MYO5B: variants seen among roughly 807,000 people sequenced by gnomAD.
The protein encoded by MYO5B is unconventional myosin-Vb.
In MYO5B, 143 loss-of-function variants were observed where a neutral mutation model predicts 229.3. The observed-to-expected ratio is 0.62, with a 90% CI of 0.54 to 0.72. The LOEUF is 0.72. MYO5B is among the 30% of genes least tolerant of loss of function. MYO5B has a pLI of 0.00. For synonymous variants in MYO5B, 918 were observed against 885.2 expected, an observed-to-expected ratio of 1.04 and a Z score of -0.66; for missense variants, 2,321 against 2,331.0, an observed-to-expected ratio of 1.00 and a Z score of 0.09.
intron 28 of MYO5B, 59 bp downstream of exon 28, chr18:49,864,082 C>T: frequency 6.3e-7 from 1 of 1,591,868 alleles, no homozygotes; most frequent in South Asian, 1.1e-5. Flanking sequence ...TAAAAAAACA[C>T]TAATCTACCA....
At chr18:49,863,636 C>T (rs1401225860) in intron 28 of MYO5B, among the ~76,000 whole-genome samples, 1 of 152,174 alleles carries the variant, frequency 6.6e-6, no homozygotes, top group Non-Finnish European at 1.5e-5. Flanking sequence ...CAGCTGGAAT[C>T]CTCCACACTC....
At chr18:49,936,201 C>T (rs1250190305) in intron 16 of MYO5B, 51 bp downstream of exon 16, 4 of 1,492,056 alleles carry the variant, frequency 2.7e-6, no homozygotes, top group Non-Finnish European at 3.7e-6. Flanking sequence ...CCCTGTTCCA[C>T]CTGAACCTCT....
At chr18:50,142,571 G>A (rs985390904) in intron 1 of MYO5B, among the ~76,000 whole-genome samples, 5 of 152,166 alleles carry the variant, frequency 3.3e-5, no homozygotes, top group African/African-American at 2.4e-5. Flanking sequence ...AGGTATATAG[G>A]GGATGTCTTC....
rs58927375 is a variant in MYO5B at position 49,997,267 on chromosome 18, T to TAA, written c.612+3986_612+3987dup. 3.9e-3 allele frequency among the ~76,000 whole-genome samples: 394 copies of TAA among 101,150 alleles called. 1 individual carries two copies. The highest frequency in any genetic ancestry group is 5.5e-3 in the Non-Finnish European group (301 of 54,574). 66.4% of individuals were successfully genotyped at this position (101,150 alleles called of 152,430 possible). The stretch of plus-strand genomic sequence containing the variant: ...GGGTGACAAAGCAAGGTCCTGTCTT[T>TAA]AAAAAAAAAAAAAAAAAAAAAAAAA... On this transcript the variant is annotated intron_variant, in intron 5 of 39. Coordinates refer to ENST00000285039, the MANE Select transcript of MYO5B (RefSeq NM_001080467.3).
rs2024723789 is a variant in MYO5B at position 49,892,235 on chromosome 18, GT to G, written c.3045+2705del. 2.0e-5 allele frequency among the ~76,000 whole-genome samples: 3 copies of G among 152,238 alleles called. 1 individual carries two copies. The South Asian group carries it at 6.2e-4, about 32-fold the overall frequency. ...AGGGAAGGAGGCTAAGGGCCTGGGTGTGGACTACCCCGTGGAAGCGCCAAAA... is the reference window on the plus strand; with the variant it reads ...AGGGAAGGAGGCTAAGGGCCTGGGTGGGACTACCCCGTGGAAGCGCCAAAA... On this transcript the variant is annotated intron_variant, in intron 22 of 39. Transcript: ENST00000285039.
intron 1 of MYO5B, among the ~76,000 whole-genome samples, chr18:50,178,608 A>C (rs1055067735): frequency 2.0e-5 from 3 of 152,182 alleles, no homozygotes; most frequent in Non-Finnish European, 2.9e-5. Context: ...TTATAACCTA[A>C]ATAATTTGGC....
intron 1 of MYO5B, chr18:50,097,141 C>G (rs1479672403): frequency 4.6e-6 from 2 of 435,510 alleles, no homozygotes; most frequent in African/African-American, 4.0e-5. Context: ...CTTCTCAAAT[C>G]CTCCCAGTCT....
intron 17 of MYO5B, among the ~76,000 whole-genome samples, chr18:49,919,816 A>G (rs555709561): frequency 6.6e-6 from 1 of 152,348 alleles, no homozygotes; most frequent in East Asian, 1.9e-4. Context: ...TTCCACTCCA[A>G]GGTATACCCT....
At chr18:50,144,437 G>C (rs924130307) in intron 1 of MYO5B, among the ~76,000 whole-genome samples, 2 of 152,114 alleles carry the variant, frequency 1.3e-5, no homozygotes, top group African/African-American at 4.8e-5. Flanking sequence ...ACTTAAAAGA[G>C]GATAGGCAGG....
intron 16 of MYO5B, among the ~76,000 whole-genome samples, chr18:49,931,270 G>A (rs145120865): frequency 9.2e-5 from 14 of 152,186 alleles, no homozygotes; most frequent in African/African-American, 2.4e-4. Flanking sequence ...AACACTCCAC[G>A]TTGCACATCA....
intron 2 of MYO5B, among the ~76,000 whole-genome samples, chr18:50,041,990 A>G (rs1000202087): frequency 1.2e-4 from 18 of 152,210 alleles, no homozygotes; most frequent in Non-Finnish European, 1.8e-4. Flanking sequence ...GAACAGATGA[A>G]AAACTATTCA....
At chr18:49,935,950 ACT>A (rs1221857941) in intron 16 of MYO5B, among the ~76,000 whole-genome samples, 1 of 152,232 alleles carries the variant, frequency 6.6e-6, no homozygotes, top group Non-Finnish European at 1.5e-5. Flanking sequence ...TGAATTTAAC[ACT>A]TGCTGTGAGA....
intron 32 of MYO5B, among the ~76,000 whole-genome samples, chr18:49,848,038 G>C (rs2024152342): frequency 6.6e-6 from 1 of 152,376 alleles, no homozygotes; most frequent in East Asian, 1.9e-4. Context: ...CCATGGTAGA[G>C]GGACAGTGGG....
chr18:50,033,320 C>T (rs1208976181), intron 4 of MYO5B, among the ~76,000 whole-genome samples: 1 of 152,138 alleles, frequency 6.6e-6, no homozygotes, highest in Non-Finnish European at 1.5e-5. Flanking sequence ...TGCATCCTAC[C>T]AATTCATCAA....
At chr18:49,960,330 G>T (rs572532811) in intron 12 of MYO5B, among the ~76,000 whole-genome samples, 1 of 152,196 alleles carries the variant, frequency 6.6e-6, no homozygotes, top group Non-Finnish European at 1.5e-5. Flanking sequence ...AAGAAAGGAC[G>T]TGTCTGAGGC....
intron 21 of MYO5B, 46 bp from the exon 22 acceptor site, chr18:49,895,220 G>C: frequency 6.6e-7 from 1 of 1,505,226 alleles, no homozygotes; most frequent in South Asian, 1.1e-5. Context: ...AGAAGTGGGG[G>C]AAGAAAAGGT....
At position 49,823,911 on chromosome 18, in the gene MYO5B, A is replaced by G. The variant is rs2023805879; in HGVS notation, c.*2560T>C. On this transcript the variant is annotated 3_prime_UTR_variant, in exon 40 of 40. Coordinates refer to ENST00000285039, the MANE Select transcript of MYO5B (RefSeq NM_001080467.3). Reference sequence around the variant, plus strand: ...TAAAATGCTTCTAATGTTTTAAAAGACAAAACTCCCCCATGATATCACCTT... The same window carrying G: ...TAAAATGCTTCTAATGTTTTAAAAGGCAAAACTCCCCCATGATATCACCTT... 6.5e-6 allele frequency: 1 copy of G among 152,686 alleles called. No homozygotes were observed. The highest frequency in any genetic ancestry group is 1.5e-5 in the Non-Finnish European group (1 of 68,038). The allele number at this position is 152,686 out of a possible 1,614,324, so 9.5% of individuals were successfully genotyped here. A position where few individuals can be genotyped will look rare whatever the true frequency, so the allele number is the denominator to read the frequency against.
chr18:50,147,273 G>T (rs2032518637), intron 1 of MYO5B, among the ~76,000 whole-genome samples: 1 of 152,050 alleles, frequency 6.6e-6, no homozygotes, highest in African/African-American at 2.4e-5. Flanking sequence ...GTCACCCTTA[G>T]CTCGCTCCCT....
At chr18:50,007,052 G>A (rs1300694422) in intron 4 of MYO5B, among the ~76,000 whole-genome samples, 1 of 152,096 alleles carries the variant, frequency 6.6e-6, no homozygotes. Context: ...CAAGTGTCCC[G>A]CTGCAGACTT....
Sources: gnomAD v4.1 joint callset for allele counts (sites outside exome capture counted in the v4.1 genomes callset) on GRCh38, gnomAD v4.1.1 for gene constraint, MANE v1.5 for transcripts, NCBI Gene and HGNC (gene_info 2026-07-23, HGNC 2026-07-21) for gene names.